Variants in MYT1L observed in about 807,000 individuals in gnomAD.
MYT1L encodes myelin transcription factor 1 like, also known as myelin transcription factor 1-like protein.
In MYT1L, 12 loss-of-function variants were observed where a neutral mutation model predicts 126.7. That is an observed-to-expected ratio of 0.09 (90% CI 0.06 to 0.15). MYT1L has a LOEUF of 0.15. Ranked by LOEUF, MYT1L falls within the 10% of genes least tolerant of loss-of-function variation. The pLI, the probability that MYT1L is intolerant of heterozygous loss-of-function variation, is 1.00. For missense variants in MYT1L, 979 were observed against 1,585.2 expected, an observed-to-expected ratio of 0.62 and a Z score of 6.49; for synonymous variants, 541 against 604.2, an observed-to-expected ratio of 0.90 and a Z score of 1.53.
At chr2:2,004,706 C>CCTT (rs1553406183) in intron 4 of MYT1L, among the ~76,000 whole-genome samples, 1 of 105,212 alleles carries the variant, frequency 9.5e-6, no homozygotes, top group African/African-American at 3.8e-5. Flanking sequence ...TTCCTGTGTG[C>CCTT]CTTTCCTGCG....
chr2:2,190,509 T>C (rs745906567), intron 2 of MYT1L, among the ~76,000 whole-genome samples: 3 of 146,766 alleles, frequency 2.0e-5, no homozygotes, highest in Non-Finnish European at 4.5e-5. Flanking sequence ...AGGCAGATGT[T>C]AATATTTCTG....
intron 8 of MYT1L, among the ~76,000 whole-genome samples, chr2:1,947,883 C>T (rs1024476310): frequency 1.3e-5 from 2 of 152,188 alleles, no homozygotes; most frequent in African/African-American, 2.4e-5. Flanking sequence ...ATATGTGAAA[C>T]ATTTCACAAA....
At chr2:2,177,283 T>C (rs1322376939) in intron 2 of MYT1L, among the ~76,000 whole-genome samples, 1 of 152,216 alleles carries the variant, frequency 6.6e-6, no homozygotes, top group Non-Finnish European at 1.5e-5. Flanking sequence ...CACATATGCA[T>C]AGATACCTGC....
At chr2:2,317,625 G>GA (rs1373257770) in intron 1 of MYT1L, among the ~76,000 whole-genome samples, 2 of 152,034 alleles carry the variant, frequency 1.3e-5, no homozygotes, top group South Asian at 4.2e-4. Flanking sequence ...AATAAAAAAT[G>GA]AAAAAATGTT....
intron 3 of MYT1L, among the ~76,000 whole-genome samples, 177 bp downstream of exon 3, chr2:2,172,695 G>T (rs1020415318): frequency 6.6e-6 from 1 of 151,062 alleles, no homozygotes; most frequent in Non-Finnish European, 1.5e-5. Flanking sequence ...CAGGAGCCCC[G>T]TGCTGGGCAG....
chr2:2,226,449 C>T (rs547893414), intron 2 of MYT1L, among the ~76,000 whole-genome samples: 12 of 152,312 alleles, frequency 7.9e-5, no homozygotes, highest in East Asian at 3.9e-4. Flanking sequence ...AGAGTCATGG[C>T]CGTGGACACC....
chr2:2,315,218 AT>A (rs1267469578), intron 1 of MYT1L, among the ~76,000 whole-genome samples: 2 of 152,118 alleles, frequency 1.3e-5, no homozygotes, highest in East Asian at 3.9e-4. Context: ...CCTCAGCTGG[AT>A]TTTCAGTTCT....
At chr2:1,847,402 C>G (rs1229126333) in intron 19 of MYT1L, among the ~76,000 whole-genome samples, 1 of 152,172 alleles carries the variant, frequency 6.6e-6, no homozygotes, top group Non-Finnish European at 1.5e-5. Flanking sequence ...GTGGACTTGA[C>G]TTCTGCATTG....
intron 2 of MYT1L, among the ~76,000 whole-genome samples, chr2:2,238,403 G>C (rs1013523697): frequency 6.6e-6 from 1 of 152,214 alleles, no homozygotes; most frequent in African/African-American, 2.4e-5. Context: ...GAAGGGTGGG[G>C]TCACTGGGTG....
chr2:2,312,899 G>C (rs763882193), intron 1 of MYT1L, among the ~76,000 whole-genome samples: 6 of 152,090 alleles, frequency 3.9e-5, no homozygotes, highest in Non-Finnish European at 7.4e-5. Flanking sequence ...AGAACAGCAG[G>C]CTGTCACAGA....
At chr2:2,247,265 C>A (rs2149190163) in intron 2 of MYT1L, among the ~76,000 whole-genome samples, 1 of 147,378 alleles carries the variant, frequency 6.8e-6, no homozygotes, top group African/African-American at 2.5e-5. Context: ...TATTTCAAGA[C>A]AAAAACTGTA....
At chr2:2,015,427 C>T (rs566514672) in intron 4 of MYT1L, among the ~76,000 whole-genome samples, 1 of 152,312 alleles carries the variant, frequency 6.6e-6, no homozygotes, top group African/African-American at 2.4e-5. Context: ...CAGGCAGCTC[C>T]TCCCGCAGCT....
chr2:1,874,774 T>C (rs2046691654), intron 18 of MYT1L, among the ~76,000 whole-genome samples: 1 of 152,214 alleles, frequency 6.6e-6, no homozygotes, highest in Non-Finnish European at 1.5e-5. Context: ...GTCTTACAGC[T>C]GTCCTCATGG....
At chr2:1,994,548 C>T (rs1196578852) in intron 5 of MYT1L, among the ~76,000 whole-genome samples, 1 of 152,206 alleles carries the variant, frequency 6.6e-6, no homozygotes, top group African/African-American at 2.4e-5. Flanking sequence ...GAATGCCTGT[C>T]CCAGCAGATG....
At chr2:2,072,683 G>A (rs760520583) in intron 3 of MYT1L, among the ~76,000 whole-genome samples, 2 of 151,562 alleles carry the variant, frequency 1.3e-5, no homozygotes, top group Non-Finnish European at 3.0e-5. Context: ...AGGAAGTGGT[G>A]GATCATGGGG....
chr2:1,991,982 G>A (rs951212494), intron 5 of MYT1L, among the ~76,000 whole-genome samples: 14 of 152,218 alleles, frequency 9.2e-5, no homozygotes, highest in East Asian at 1.9e-4. Context: ...TCGAACTGGC[G>A]TTTTCAGCCC....
intron 3 of MYT1L, among the ~76,000 whole-genome samples, chr2:2,058,924 T>C (rs2069993751): frequency 6.6e-6 from 1 of 152,178 alleles, no homozygotes; most frequent in Non-Finnish European, 1.5e-5. Context: ...CGATTGAGGA[T>C]GATTAAAGAA....
At chr2:2,049,919 T>C (rs1313525356) in intron 4 of MYT1L, among the ~76,000 whole-genome samples, 1 of 152,098 alleles carries the variant, frequency 6.6e-6, no homozygotes, top group African/African-American at 2.4e-5. Flanking sequence ...CATGTCTTTA[T>C]CAGTATTGTG....
At chr2:1,895,319 C>T (rs2049433932) in intron 14 of MYT1L, among the ~76,000 whole-genome samples, 1 of 152,208 alleles carries the variant, frequency 6.6e-6, no homozygotes, top group Non-Finnish European at 1.5e-5. Context: ...TCCTATCAAA[C>T]TACCAACGTA....
Sources: allele counts gnomAD v4.1 joint callset (sites outside exome capture counted in the v4.1 genomes callset), GRCh38; gene constraint gnomAD v4.1.1; transcripts MANE v1.5; gene names NCBI Gene and HGNC (gene_info 2026-07-23, HGNC 2026-07-21).